APP: variants seen among roughly 807,000 people sequenced by gnomAD.
The protein encoded by APP is amyloid beta precursor protein.
In APP, 31 loss-of-function variants were observed where a neutral mutation model predicts 101.4. The observed-to-expected ratio is 0.31, with a 90% CI of 0.23 to 0.41. The LOEUF (loss-of-function observed/expected upper bound fraction) is 0.41. APP is among the 10% of genes least tolerant of loss of function. APP has a pLI of 1.00. For missense variants in APP, 839 were observed against 1,003.7 expected, an observed-to-expected ratio of 0.84 and a Z score of 2.22; for synonymous variants, 366 against 364.4, an observed-to-expected ratio of 1.00 and a Z score of -0.05.
At chr21:26,131,772 T>C (rs1244086800) in intron 1 of APP, among the ~76,000 whole-genome samples, 1 of 152,190 alleles carries the variant, frequency 6.6e-6, no homozygotes, top group Non-Finnish European at 1.5e-5. Flanking sequence ...TATTGCACAA[T>C]ATGACTGAAA....
At chr21:25,945,340 A>C (rs1310538194) in intron 13 of APP, among the ~76,000 whole-genome samples, 1 of 141,846 alleles carries the variant, frequency 7.0e-6, no homozygotes, top group Non-Finnish European at 1.5e-5. Flanking sequence ...TTATATATAA[A>C]TATTCCCCAA....
intron 1 of APP, among the ~76,000 whole-genome samples, chr21:26,162,927 T>C (rs563383046): frequency 6.8e-6 from 1 of 147,200 alleles, no homozygotes; most frequent in East Asian, 2.0e-4. Flanking sequence ...AAAATTCCTA[T>C]CAAAATCACC....
intron 16 of APP, among the ~76,000 whole-genome samples, chr21:25,896,333 A>G (rs2038041446): frequency 6.6e-6 from 1 of 152,188 alleles, no homozygotes; most frequent in Non-Finnish European, 1.5e-5. Context: ...AATAATTTGG[A>G]GGTGTTTCTT....
chr21:25,912,528 T>C (rs2039130422), intron 13 of APP, among the ~76,000 whole-genome samples: 1 of 152,206 alleles, frequency 6.6e-6, no homozygotes, highest in Non-Finnish European at 1.5e-5. Context: ...TAAATGCTCC[T>C]CTTGTGCTGC....
chr21:26,122,839 G>A (rs1182380828), intron 1 of APP, among the ~76,000 whole-genome samples: 1 of 150,762 alleles, frequency 6.6e-6, no homozygotes, highest in Non-Finnish European at 1.5e-5. Context: ...AGAGATCACA[G>A]GCAAGTAGAC....
In APP at chr21:26,169,793, G is replaced by A. The variant is rs45625242; in HGVS notation, c.57+771C>T. 3.6e-3 allele frequency among the ~76,000 whole-genome samples: 556 copies of A among 152,372 alleles called. 16 individuals are homozygous for A. The highest frequency in any genetic ancestry group is 0.026 in the Admixed American group (396 of 15,312). ...CCTTCTGCCTCTCAGACAGAGCTTAGGGTGCGAGCGAACTCCCGGGACGTC... is the reference window on the plus strand; with the variant it reads ...CCTTCTGCCTCTCAGACAGAGCTTAAGGTGCGAGCGAACTCCCGGGACGTC... On this transcript the variant is annotated intron_variant, in intron 1 of 17. Coordinates refer to ENST00000346798, the MANE Select transcript of APP (RefSeq NM_000484.4).
rs113710903 is a variant in APP at position 26,092,434 on chromosome 21, T to C, written c.226-2362A>G. Among the ~76,000 whole-genome samples the C allele has an allele frequency of 6.8e-4, 103 of 152,308 alleles. 1 individual carries two copies. Among genetic ancestry groups the C allele is most frequent in the African/African-American group, 2.3e-3 (94 of 41,574 alleles). On this transcript the variant is annotated intron_variant, in intron 2 of 17. Transcript: ENST00000346798. Reference sequence around the variant, plus strand: ...CCATCTGAATAGGCTCCATACTATATGACATTCTTCCCACTATATGACATT... The same window carrying C: ...CCATCTGAATAGGCTCCATACTATACGACATTCTTCCCACTATATGACATT...
chr21:25,932,643 T>C (rs1170276257), intron 13 of APP, among the ~76,000 whole-genome samples: 1 of 152,228 alleles, frequency 6.6e-6, no homozygotes, highest in East Asian at 1.9e-4. Flanking sequence ...ATGTATTTTC[T>C]TTAAGATAGT....
intron 13 of APP, among the ~76,000 whole-genome samples, chr21:25,914,710 C>T (rs1358251616): frequency 4.0e-5 from 6 of 149,902 alleles, no homozygotes; most frequent in African/African-American, 1.2e-4. Flanking sequence ...CCCGCCACCA[C>T]GCCCGGCTAA....
chr21:26,076,634 C>T (rs1031100689), intron 3 of APP, among the ~76,000 whole-genome samples: 1 of 152,142 alleles, frequency 6.6e-6, no homozygotes, highest in Non-Finnish European at 1.5e-5. Flanking sequence ...AGGTTATAGC[C>T]AAGAAAAAGC....
intron 17 of APP, among the ~76,000 whole-genome samples, chr21:25,890,499 G>C (rs1194646585): frequency 6.6e-6 from 1 of 152,176 alleles, no homozygotes; most frequent in Non-Finnish European, 1.5e-5. Context: ...CCAGCACTTT[G>C]GGAAGCCAAG....
chr21:25,899,158 T>C (rs2038274600), intron 15 of APP, among the ~76,000 whole-genome samples: 1 of 152,222 alleles, frequency 6.6e-6, no homozygotes, highest in Non-Finnish European at 1.5e-5. Context: ...TCCTTTTTGC[T>C]ATTCAGAACT....
At chr21:25,932,487 C>T (rs2040190448) in intron 13 of APP, among the ~76,000 whole-genome samples, 1 of 152,110 alleles carries the variant, frequency 6.6e-6, no homozygotes, top group Non-Finnish European at 1.5e-5. Flanking sequence ...AACTGCTTTC[C>T]ATGGATGTAC....
At chr21:25,906,001 A>AG (rs2038770429) in intron 14 of APP, among the ~76,000 whole-genome samples, 2 of 152,346 alleles carry the variant, frequency 1.3e-5, no homozygotes, top group African/African-American at 4.8e-5. Context: ...GCAAGTGTAA[A>AG]GGGAAAAAGG....
At chr21:26,043,054 A>G (rs910401050) in intron 5 of APP, among the ~76,000 whole-genome samples, 5 of 151,880 alleles carry the variant, frequency 3.3e-5, no homozygotes, top group African/African-American at 1.2e-4. Context: ...TGAGTTGGAA[A>G]TATTTCATAC....
At chr21:26,150,487 T>C (rs2063243160) in intron 1 of APP, among the ~76,000 whole-genome samples, 1 of 152,286 alleles carries the variant, frequency 6.6e-6, no homozygotes, top group Middle Eastern at 3.4e-3. Context: ...GGTAGCATAT[T>C]CTGATCCCCT....
chr21:25,994,188 T>C (rs1323568188), intron 8 of APP, among the ~76,000 whole-genome samples: 1 of 152,254 alleles, frequency 6.6e-6, no homozygotes, highest in Non-Finnish European at 1.5e-5. Flanking sequence ...AATATTTATA[T>C]AATTTTATTG....
chr21:25,932,010 G>A (rs1338082328), intron 13 of APP, among the ~76,000 whole-genome samples: 1 of 152,154 alleles, frequency 6.6e-6, no homozygotes, highest in African/African-American at 2.4e-5. Flanking sequence ...GCTAGACAAT[G>A]AACAGTTCCA....
At chr21:25,895,269 G>T (rs1476330506) in intron 16 of APP, among the ~76,000 whole-genome samples, 1 of 151,876 alleles carries the variant, frequency 6.6e-6, no homozygotes, top group East Asian at 1.9e-4. Context: ...GGGATCAAGA[G>T]ATTCTCTTGC....
Sources: allele counts gnomAD v4.1 joint callset (sites outside exome capture counted in the v4.1 genomes callset), GRCh38; gene constraint gnomAD v4.1.1; transcripts MANE v1.5; gene names NCBI Gene and HGNC (gene_info 2026-07-23, HGNC 2026-07-21).